MAN1A2: variants seen among roughly 807,000 people sequenced by gnomAD.
The protein encoded by MAN1A2 is mannosyl-oligosaccharide 1,2-alpha-mannosidase IB.
MAN1A2 carries 26 observed loss-of-function variants against 75.7 expected under a neutral mutation model. That is an observed-to-expected ratio of 0.34 (90% CI 0.25 to 0.48). The LOEUF is 0.48. MAN1A2 is among the 20% of genes least tolerant of loss of function. The pLI is 0.99. For synonymous variants in MAN1A2, 247 were observed against 264.6 expected (o/e 0.93, Z 0.65); for missense variants, 562 against 775.5 (o/e 0.72, Z 3.27).
At chr1:117,491,932 G>A (rs1202266567) in intron 8 of MAN1A2, among the ~76,000 whole-genome samples, 1 of 152,076 alleles carries the variant, frequency 6.6e-6, no homozygotes, top group Non-Finnish European at 1.5e-5. Flanking sequence ...CTGAGTTACT[G>A]CAGTCTTATG....
chr1:117,387,221 A>C (rs1653559630), intron 1 of MAN1A2, among the ~76,000 whole-genome samples: 1 of 151,694 alleles, frequency 6.6e-6, no homozygotes. Flanking sequence ...TGTTGTAAAA[A>C]AAAAAAAAAA....
intron 5 of MAN1A2, among the ~76,000 whole-genome samples, chr1:117,424,831 G>A (rs1434918607): frequency 6.6e-6 from 1 of 151,994 alleles, no homozygotes; most frequent in Admixed American, 6.6e-5. Flanking sequence ...TTCATTCTTG[G>A]GTCTCATCTT....
chr1:117,445,929 TAAAAG>T (rs1252921084), intron 6 of MAN1A2, among the ~76,000 whole-genome samples: 1 of 146,634 alleles, frequency 6.8e-6, no homozygotes, highest in East Asian at 2.0e-4. Context: ...TGTATACATA[TAAAAG>T]AAAATTTATA....
intron 1 of MAN1A2, among the ~76,000 whole-genome samples, chr1:117,390,516 C>T (rs529693982): frequency 6.6e-5 from 10 of 151,832 alleles, no homozygotes; most frequent in Admixed American, 3.3e-4. Flanking sequence ...TTTCCCTTCT[C>T]GTCATTATTA....
At position 117,428,183 on chromosome 1, in the gene MAN1A2, C is replaced by T. The variant is rs779603923; in HGVS notation, c.855+7534C>T. On this transcript the variant is annotated intron_variant, in intron 5 of 12. Transcript: ENST00000356554. ...AGACTGGAGTGCAGTGGTGTGATCA[C>T]GGCTCACTGGAACCTCAACCTCCTG... is the stretch of plus-strand genomic sequence containing the variant. Among the ~76,000 whole-genome samples, 7 of 151,520 alleles carry T rather than the reference C, an allele frequency of 4.6e-5. No homozygotes were observed. The South Asian group carries it at 8.3e-4, about 18-fold the overall frequency.
chr1:117,392,074 T>C (rs1324797121), intron 1 of MAN1A2, among the ~76,000 whole-genome samples: 1 of 152,070 alleles, frequency 6.6e-6, no homozygotes, highest in Non-Finnish European at 1.5e-5. Context: ...TTATATCCCC[T>C]CCCTTTCTAC....
chr1:117,452,593 A>C (rs1416215804), intron 6 of MAN1A2, among the ~76,000 whole-genome samples: 1 of 152,244 alleles, frequency 6.6e-6, no homozygotes, highest in Non-Finnish European at 1.5e-5. Flanking sequence ...AGCCTAATGC[A>C]GAGCAAGGCC....
Position 117,368,315 on chromosome 1 carries a change from T to C in MAN1A2, c.132T>C (p.Ser44=), listed in dbSNP as rs1203439628. The part of the protein sequence containing the change: ...SEKFILLLIL[S]AFITLCFGAF... ...AGTTTATTCTTCTCCTTATTCTTAG[T>C]GCCTTCATCACTCTGTGTTTTGGGG... is the stretch of plus-strand genomic sequence containing the variant. The change falls in exon 1 of 13, where the codon AGT becomes AGC. Residue 44 remains serine (S), a synonymous_variant. Coordinates refer to ENST00000356554, the MANE Select transcript of MAN1A2 (RefSeq NM_006699.5). 2 of 1,614,184 alleles carry C rather than the reference T, an allele frequency of 1.2e-6. No individual in the cohort carries two copies. Among genetic ancestry groups the C allele is most frequent in the African/African-American group, 1.3e-5 (1 of 75,040 alleles).
At chr1:117,502,374 G>T (rs1651228853) in intron 11 of MAN1A2, among the ~76,000 whole-genome samples, 1 of 151,674 alleles carries the variant, frequency 6.6e-6, no homozygotes, top group Non-Finnish European at 1.5e-5. Flanking sequence ...CTGGCATATG[G>T]TATGTATTTA....
chr1:117,463,891 GT>G (rs1254267412), intron 7 of MAN1A2, among the ~76,000 whole-genome samples: 11 of 152,052 alleles, frequency 7.2e-5, no homozygotes, highest in African/African-American at 2.7e-4. Flanking sequence ...CAAAGAACTC[GT>G]TGCACATAGT....
intron 7 of MAN1A2, among the ~76,000 whole-genome samples, chr1:117,461,099 T>C (rs1482210599): frequency 6.6e-6 from 1 of 152,154 alleles, no homozygotes; most frequent in Non-Finnish European, 1.5e-5. Context: ...CTACACCAGC[T>C]ACAAAAGGCA....
chr1:117,393,641 T>A (rs1653805415), intron 1 of MAN1A2, among the ~76,000 whole-genome samples: 1 of 152,154 alleles, frequency 6.6e-6, no homozygotes. Context: ...TAGCATTACA[T>A]TGTTGATTCA....
intron 8 of MAN1A2, among the ~76,000 whole-genome samples, chr1:117,491,235 G>T (rs1032232247): frequency 6.6e-6 from 1 of 152,066 alleles, no homozygotes; most frequent in Admixed American, 6.6e-5. Context: ...AGAAGTCAAT[G>T]CTTGGCTTTC....
At chr1:117,456,655 A>G (rs1272105107) in intron 6 of MAN1A2, among the ~76,000 whole-genome samples, 1 of 152,016 alleles carries the variant, frequency 6.6e-6, no homozygotes, top group Non-Finnish European at 1.5e-5. Flanking sequence ...GGATATTCTC[A>G]ATTCTAAATT....
intron 1 of MAN1A2, among the ~76,000 whole-genome samples, chr1:117,369,868 A>G (rs534510785): frequency 6.6e-6 from 1 of 152,340 alleles, no homozygotes; most frequent in Admixed American, 6.5e-5. Flanking sequence ...CATATGAAAT[A>G]TATTGAAAAA....
intron 8 of MAN1A2, among the ~76,000 whole-genome samples, chr1:117,492,890 GA>G (rs1650925947): frequency 6.6e-6 from 1 of 151,876 alleles, no homozygotes; most frequent in African/African-American, 2.4e-5. Flanking sequence ...TGTAATTCAA[GA>G]AAAAGACTAC....
chr1:117,512,637 A>G (rs1651571587), intron 12 of MAN1A2, among the ~76,000 whole-genome samples: 1 of 152,028 alleles, frequency 6.6e-6, no homozygotes, highest in South Asian at 2.1e-4. Flanking sequence ...TGCTGTATTT[A>G]TGTAGTTCAG....
chr1:117,433,286 A>G (rs1245895424), intron 5 of MAN1A2, among the ~76,000 whole-genome samples: 1 of 152,128 alleles, frequency 6.6e-6, no homozygotes, highest in African/African-American at 2.4e-5. Context: ...AAACTGGTGT[A>G]ATGCAAATAA....
Position 117,488,080 on chromosome 1 carries a change from C to T in MAN1A2, c.1169-5067C>T, listed in dbSNP as rs115845002. On this transcript the variant is annotated intron_variant, in intron 8 of 12. Coordinates refer to ENST00000356554, the MANE Select transcript of MAN1A2 (RefSeq NM_006699.5). ...TCTTATTATTGCCCTGTCTTCTACT[C>T]CTCCAAGTGACTTCTGTAATACCCA... 2.4e-3 allele frequency among the ~76,000 whole-genome samples: 365 copies of T among 152,174 alleles called. 2 individuals carry two copies. Among genetic ancestry groups the T allele is most frequent in the African/African-American group, 8.1e-3 (335 of 41,542 alleles).
Sources: allele counts gnomAD v4.1 joint callset (sites outside exome capture counted in the v4.1 genomes callset), GRCh38; gene constraint gnomAD v4.1.1; transcripts MANE v1.5; gene names NCBI Gene and HGNC (gene_info 2026-07-23, HGNC 2026-07-21).